The following ST3GAL1 variants were observed in gnomAD, a reference collection of about 807,000 sequenced individuals.
ST3GAL1 encodes CMP-N-acetylneuraminate-beta-galactosamide-alpha-2,3-sialyltransferase 1.
Under a neutral mutation model 34.1 loss-of-function variants are expected in ST3GAL1, and 16 were observed. That is an observed-to-expected ratio of 0.47 (90% CI 0.32 to 0.71). The LOEUF is 0.71. Ranked by LOEUF, ST3GAL1 falls within the 30% of genes least tolerant of loss-of-function variation. The probability of loss-of-function intolerance (pLI) is 0.04; values close to 1 mark genes in which losing one functional copy is unlikely to be tolerated. For synonymous variants in ST3GAL1, 191 were observed against 184.7 expected (o/e 1.03, Z -0.28); for missense variants, 353 against 447.4 (o/e 0.79, Z 1.90).
At chr8:133,464,182 G>A (rs1018013044) in intron 7 of ST3GAL1, among the ~76,000 whole-genome samples, 42 of 152,284 alleles carry the variant, frequency 2.8e-4, no homozygotes, top group East Asian at 1.2e-3. Flanking sequence ...GTGCTTGGCC[G>A]AGCTCCAGAG....
intron 7 of ST3GAL1, among the ~76,000 whole-genome samples, chr8:133,464,457 C>T (rs1346772362): frequency 6.6e-6 from 1 of 152,322 alleles, no homozygotes; most frequent in South Asian, 2.1e-4. Flanking sequence ...GGCTGCACTT[C>T]AGAAATAAAG....
chr8:133,531,934 C>T (rs1818171187), intron 2 of ST3GAL1, among the ~76,000 whole-genome samples: 1 of 151,620 alleles, frequency 6.6e-6, no homozygotes, highest in South Asian at 2.1e-4. Flanking sequence ...GATATCAAAG[C>T]CATTTTCATA....
intron 1 of ST3GAL1, among the ~76,000 whole-genome samples, chr8:133,568,447 C>A (rs1313322332): frequency 6.6e-6 from 1 of 152,190 alleles, no homozygotes; most frequent in Non-Finnish European, 1.5e-5. Context: ...AACGAAGCTG[C>A]ATCTAAGTCT....
chr8:133,501,909 G>A (rs530668588), intron 2 of ST3GAL1, among the ~76,000 whole-genome samples: 32 of 152,278 alleles, frequency 2.1e-4, no homozygotes, highest in Middle Eastern at 3.4e-3. Context: ...GTGCATCCTG[G>A]CTGGCAGAAG....
At chr8:133,497,725 G>A (rs928789192) in intron 3 of ST3GAL1, among the ~76,000 whole-genome samples, 13 of 151,808 alleles carry the variant, frequency 8.6e-5, no homozygotes, top group African/African-American at 2.7e-4. Flanking sequence ...CGCCTGCCTC[G>A]GCCTCCCAAT....
At chr8:133,502,293 C>T (rs887267662) in intron 2 of ST3GAL1, among the ~76,000 whole-genome samples, 7 of 151,878 alleles carry the variant, frequency 4.6e-5, no homozygotes, top group African/African-American at 1.2e-4. Context: ...GTCCCCCACA[C>T]CCCCACCAAA....
chr8:133,566,606 C>T (rs1819408353), intron 1 of ST3GAL1, among the ~76,000 whole-genome samples: 1 of 152,192 alleles, frequency 6.6e-6, no homozygotes, highest in South Asian at 2.1e-4. Context: ...CTCCAGCTCA[C>T]TCAGCCGGCC....
At chr8:133,531,097 G>A (rs1818139244) in intron 2 of ST3GAL1, among the ~76,000 whole-genome samples, 1 of 151,448 alleles carries the variant, frequency 6.6e-6, no homozygotes, top group South Asian at 2.1e-4. Flanking sequence ...TCTTAGTAGG[G>A]GATAGAAAAG....
intron 2 of ST3GAL1, among the ~76,000 whole-genome samples, chr8:133,527,922 C>G (rs561089469): frequency 4.6e-5 from 7 of 152,044 alleles, no homozygotes; most frequent in Admixed American, 3.9e-4. Context: ...CGCCTATAAT[C>G]CCACCACTTT....
rs1358895352 is a variant in ST3GAL1, at chr8:133,458,165, C to G, written c.*1599G>C. On this transcript the variant is annotated 3_prime_UTR_variant, in exon 10 of 10. Coordinates refer to ENST00000522652, the MANE Select transcript of ST3GAL1 (RefSeq NM_173344.3). ...CAAACCATCCAAGCCCTAGATACCC[C>G]CAATATCCCACGTCCGAGGACTCCT... 2.0e-5 allele frequency: 3 copies of G among 152,112 alleles called. No individual in the cohort carries two copies. The highest frequency in any genetic ancestry group is 4.4e-5 in the Non-Finnish European group (3 of 68,032). 9.4% of individuals were successfully genotyped at this position (152,112 alleles called of 1,614,324 possible).
intron 2 of ST3GAL1, among the ~76,000 whole-genome samples, chr8:133,540,728 C>CATATATATATATATAGACAT (rs773565623): frequency 2.3e-5 from 2 of 88,664 alleles, no homozygotes; most frequent in Non-Finnish European, 4.0e-5. Flanking sequence ...TATATATAGA[C>CATATATATATATATAGACAT]ATATATATAT....
intron 3 of ST3GAL1, among the ~76,000 whole-genome samples, chr8:133,479,649 G>C (rs893323840): frequency 6.6e-6 from 1 of 152,144 alleles, no homozygotes; most frequent in Non-Finnish European, 1.5e-5. Context: ...CTCTGCGTGA[G>C]AGATATTAAT....
chr8:133,506,993 T>C (rs1817363847), intron 2 of ST3GAL1, among the ~76,000 whole-genome samples: 1 of 151,824 alleles, frequency 6.6e-6, no homozygotes, highest in East Asian at 1.9e-4. Context: ...CTTGGCAAAC[T>C]GCAGAGGGAC....
chr8:133,463,292 G>T, intron 8 of ST3GAL1, 122 bp downstream of exon 8: 1 of 1,099,282 alleles, frequency 9.1e-7, no homozygotes, highest in East Asian at 2.4e-5. Context: ...CTAAGTGGGA[G>T]ATGCTACCTC....
At chr8:133,497,432 T>C in intron 3 of ST3GAL1, among the ~76,000 whole-genome samples, 1 of 151,450 alleles carries the variant, frequency 6.6e-6, no homozygotes, top group African/African-American at 2.4e-5. Context: ...ACACCTTTCT[T>C]CTCTCCCATG....
intron 2 of ST3GAL1, among the ~76,000 whole-genome samples, chr8:133,509,529 G>A (rs564551293): frequency 7.5e-4 from 114 of 152,330 alleles, no homozygotes; most frequent in African/African-American, 2.6e-3. Context: ...GGCACCAGGG[G>A]GACCATGAGA....
chr8:133,467,021 G>T lies in ST3GAL1; in HGVS notation c.307-931C>A, dbSNP rs1815762089. On this transcript the variant is annotated intron_variant, in intron 5 of 9. Coordinates refer to ENST00000522652, the MANE Select transcript of ST3GAL1 (RefSeq NM_173344.3). This position sits in a 1 kb window ranked among gnomAD's most constrained non-coding sequence, Gnocchi z 4.2. Reference sequence around the variant, plus strand: ...GAAGTGGGAGAATCTCTTGAACCCGGAAGGCGGAGGTTGCAGTGAGCCAAG... The same window carrying T: ...GAAGTGGGAGAATCTCTTGAACCCGTAAGGCGGAGGTTGCAGTGAGCCAAG... Among the ~76,000 whole-genome samples the T allele has an allele frequency of 6.6e-6, 1 of 151,552 alleles. No homozygotes were observed. Among genetic ancestry groups the T allele is most frequent in the South Asian group, 2.1e-4 (1 of 4,800 alleles).
chr8:133,509,200 A>G (rs1817435471), intron 2 of ST3GAL1, among the ~76,000 whole-genome samples: 1 of 152,258 alleles, frequency 6.6e-6, no homozygotes, highest in South Asian at 2.1e-4. Flanking sequence ...ACTGAATGAA[A>G]TTTAAAGCAC....
At chr8:133,568,964 G>C (rs1320726302) in intron 1 of ST3GAL1, among the ~76,000 whole-genome samples, 1 of 152,220 alleles carries the variant, frequency 6.6e-6, no homozygotes, top group East Asian at 1.9e-4. Context: ...GGGAAGGGGG[G>C]CAGTACAGCC....
Sources: allele counts gnomAD v4.1 joint callset (sites outside exome capture counted in the v4.1 genomes callset), GRCh38; gene constraint gnomAD v4.1.1; non-coding constraint Gnocchi (gnomAD v3.1); transcripts MANE v1.5; gene names NCBI Gene and HGNC (gene_info 2026-07-23, HGNC 2026-07-21).